The following GRID2 variants were observed in gnomAD, a reference collection of about 807,000 sequenced individuals.
GRID2 encodes the protein glutamate ionotropic receptor delta type subunit 2.
In GRID2, 33 loss-of-function variants were observed where a neutral mutation model predicts 114.8. The observed-to-expected ratio is 0.29, with a 90% CI of 0.22 to 0.38. The LOEUF (loss-of-function observed/expected upper bound fraction) is 0.38. Among genes scored for constraint, GRID2 ranks in the 10% least tolerant of loss-of-function variants. GRID2 has a pLI of 1.00. For synonymous variants in GRID2, 505 were observed against 449.9 expected (o/e 1.12, Z -1.55); for missense variants, 1,184 against 1,257.7 (o/e 0.94, Z 0.89).
rs374327299 is a variant in GRID2, at chr4:93,292,151, A to G, written c.1245+53661A>G. Reference sequence around the variant, plus strand: ...CATACTCAGAGGACAAATTTGAATGAAACTTATGTTGTACAATTCATCTGG... The same window carrying G: ...CATACTCAGAGGACAAATTTGAATGGAACTTATGTTGTACAATTCATCTGG... On this transcript the variant is annotated intron_variant, in intron 8 of 15. Transcript: ENST00000282020. Among the ~76,000 whole-genome samples, 5 of 152,312 alleles carry G rather than the reference A, an allele frequency of 3.3e-5. No homozygotes were observed. In the East Asian group the frequency reaches 9.6e-4, roughly 29 times the overall value.
chr4:93,075,887 T>C (rs867091575), intron 2 of GRID2, among the ~76,000 whole-genome samples: 346 of 27,812 alleles, frequency 0.012, 1 homozygote, highest in African/African-American at 0.062. Context: ...ACCTCTCTTT[T>C]TTTTTTTTTT....
chr4:92,653,723 GA>G (rs1435876807), intron 2 of GRID2, among the ~76,000 whole-genome samples: 1 of 152,046 alleles, frequency 6.6e-6, no homozygotes, highest in African/African-American at 2.4e-5. Flanking sequence ...ATTTGGGTGG[GA>G]ACAACATCTT....
chr4:93,387,317 A>T (rs985129295), intron 8 of GRID2, among the ~76,000 whole-genome samples: 2 of 152,168 alleles, frequency 1.3e-5, no homozygotes, highest in African/African-American at 4.8e-5. Flanking sequence ...AACTTATTTT[A>T]TTCTCTCCAG....
In GRID2 at chr4:92,566,207, G is replaced by A. The variant is rs1014759125; in HGVS notation, c.89-23924G>A. 2.6e-5 allele frequency among the ~76,000 whole-genome samples: 4 copies of A among 151,832 alleles called. No homozygotes were observed. In the Admixed American group the frequency reaches 2.6e-4, roughly 10 times the overall value. On this transcript the variant is annotated intron_variant, in intron 1 of 15. Transcript: ENST00000282020. ...TAAGATAAAAGTAAAGCTGCTCAAT[G>A]GAGAGCATCTCAAAATATGATTTTC...
intron 1 of GRID2, among the ~76,000 whole-genome samples, chr4:92,394,247 A>G (rs1730387022): frequency 6.6e-6 from 1 of 152,110 alleles, no homozygotes; most frequent in African/African-American, 2.4e-5. Flanking sequence ...TAATTTATCA[A>G]CTATTTTTAA....
intron 2 of GRID2, among the ~76,000 whole-genome samples, chr4:92,938,122 T>C (rs1750805455): frequency 6.8e-6 from 1 of 146,988 alleles, no homozygotes; most frequent in Non-Finnish European, 1.5e-5. Flanking sequence ...TTTCTCTTTG[T>C]TTTATCAATA....
chr4:92,770,576 C>T (rs751201203), intron 2 of GRID2, among the ~76,000 whole-genome samples: 2 of 152,060 alleles, frequency 1.3e-5, no homozygotes, highest in Non-Finnish European at 2.9e-5. Context: ...AACAGTTCCA[C>T]GTGGCTGGGG....
At chr4:93,592,056 T>C (rs1320335272) in intron 13 of GRID2, among the ~76,000 whole-genome samples, 1 of 152,222 alleles carries the variant, frequency 6.6e-6, no homozygotes, top group African/African-American at 2.4e-5. Flanking sequence ...CTCTATTTCC[T>C]TCAGTTCTGC....
At chr4:93,523,627 TGATAA>T (rs1730547152) in intron 13 of GRID2, among the ~76,000 whole-genome samples, 1 of 152,118 alleles carries the variant, frequency 6.6e-6, no homozygotes, top group Non-Finnish European at 1.5e-5. Flanking sequence ...CAAATTATGT[TGATAA>T]GATGAGTGTA....
chr4:93,002,269 G>A lies in GRID2; in HGVS notation c.245-82726G>A, dbSNP rs74445642. Among the ~76,000 whole-genome samples the A allele has an allele frequency of 6.7e-3, 1,019 of 151,484 alleles. 18 individuals are homozygous for A. The highest frequency in any genetic ancestry group is 0.061 in the East Asian group (313 of 5,140). ...CATTTTATGGAAAAAATTAATTTTA[G>A]TATACAAAACAAATCCAATATTCGA... On this transcript the variant is annotated intron_variant, in intron 2 of 15. Coordinates refer to ENST00000282020, the MANE Select transcript of GRID2 (RefSeq NM_001510.4).
intron 6 of GRID2, among the ~76,000 whole-genome samples, chr4:93,222,735 G>A (rs2149490356): frequency 6.6e-6 from 1 of 151,984 alleles, no homozygotes; most frequent in Non-Finnish European, 1.5e-5. Context: ...TTGTCCTTGT[G>A]ATAGTTTGCT....
intron 4 of GRID2, among the ~76,000 whole-genome samples, chr4:93,158,480 C>A (rs182803707): frequency 4.6e-5 from 7 of 151,784 alleles, no homozygotes; most frequent in Admixed American, 1.3e-4. Flanking sequence ...TTATTAGGGC[C>A]AGGTACATAT....
chr4:93,069,992 A>G (rs1728668471), intron 2 of GRID2, among the ~76,000 whole-genome samples: 1 of 152,074 alleles, frequency 6.6e-6, no homozygotes, highest in Admixed American at 6.6e-5. Context: ...GCTGATGTCA[A>G]TGGTTAGAAA....
intron 8 of GRID2, among the ~76,000 whole-genome samples, chr4:93,326,896 T>C (rs1757894172): frequency 6.6e-6 from 1 of 152,226 alleles, no homozygotes; most frequent in African/African-American, 2.4e-5. Flanking sequence ...ATACTGGATC[T>C]GGTAGTTTTA....
intron 2 of GRID2, among the ~76,000 whole-genome samples, chr4:92,893,708 C>T (rs1182240657): frequency 1.3e-5 from 2 of 151,994 alleles, no homozygotes; most frequent in African/African-American, 4.8e-5. Context: ...CCACAGCTGG[C>T]ACAGGTGAAA....
intron 4 of GRID2, among the ~76,000 whole-genome samples, chr4:93,137,444 G>T (rs1735363749): frequency 6.6e-6 from 1 of 151,978 alleles, no homozygotes; most frequent in Admixed American, 6.6e-5. Flanking sequence ...ATATCACAAG[G>T]ACCTAATATT....
intron 2 of GRID2, among the ~76,000 whole-genome samples, chr4:92,676,490 T>C (rs1458184018): frequency 7.2e-5 from 11 of 152,124 alleles, no homozygotes; most frequent in Non-Finnish European, 1.3e-4. Flanking sequence ...GAGCCTCTTT[T>C]AACCTGTAAA....
intron 2 of GRID2, among the ~76,000 whole-genome samples, chr4:92,611,947 TC>T (rs1268524730): frequency 6.6e-6 from 1 of 151,508 alleles, no homozygotes; most frequent in African/African-American, 2.4e-5. Flanking sequence ...TCCATGATTT[TC>T]CCCCCTATTT....
intron 14 of GRID2, among the ~76,000 whole-genome samples, chr4:93,648,797 G>A (rs769443182): frequency 1.3e-5 from 2 of 152,088 alleles, no homozygotes; most frequent in Non-Finnish European, 2.9e-5. Context: ...TGACTTCTTT[G>A]CTCTTATTCT....
Sources: gnomAD v4.1 joint callset for allele counts (sites outside exome capture counted in the v4.1 genomes callset) on GRCh38, gnomAD v4.1.1 for gene constraint, MANE v1.5 for transcripts, NCBI Gene and HGNC (gene_info 2026-07-23, HGNC 2026-07-21) for gene names.